The following PRKG1 variants were observed in gnomAD, a reference collection of about 807,000 sequenced individuals.
PRKG1 encodes protein kinase cGMP-dependent 1.
A neutral mutation model predicts 88.1 loss-of-function variants in PRKG1; 35 were observed. The observed-to-expected ratio is 0.40, with a 90% confidence interval of 0.30 to 0.53. The LOEUF is 0.53. Ranked by LOEUF, PRKG1 falls within the 20% of genes least tolerant of loss-of-function variation. The pLI is 0.59. For missense variants in PRKG1, 540 were observed against 839.8 expected (o/e 0.64, Z 4.41); for synonymous variants, 303 against 292.5 (o/e 1.04, Z -0.37).
chr10:51,794,559 T>G (rs1020174352), intron 3 of PRKG1, among the ~76,000 whole-genome samples: 1 of 152,118 alleles, frequency 6.6e-6, no homozygotes, highest in Non-Finnish European at 1.5e-5. Context: ...TATTAATATA[T>G]TGTATATATA....
At chr10:51,893,307 T>C (rs1413535624) in intron 4 of PRKG1, among the ~76,000 whole-genome samples, 1 of 152,084 alleles carries the variant, frequency 6.6e-6, no homozygotes, top group Non-Finnish European at 1.5e-5. Context: ...GAAATATTCC[T>C]GTGGTTCCTG....
intron 1 of PRKG1, among the ~76,000 whole-genome samples, chr10:51,134,936 A>G (rs1335993074): frequency 6.6e-6 from 1 of 152,186 alleles, no homozygotes; most frequent in East Asian, 1.9e-4. Flanking sequence ...AAATAATAAA[A>G]TGGATAAATA....
At chr10:52,291,899 T>A (rs557623082) in intron 17 of PRKG1, among the ~76,000 whole-genome samples, 2 of 152,248 alleles carry the variant, frequency 1.3e-5, no homozygotes, top group East Asian at 3.9e-4. Flanking sequence ...TTTCTCCACA[T>A]CCTCTCCAGC....
intron 7 of PRKG1, among the ~76,000 whole-genome samples, chr10:52,067,481 A>G (rs1039211076): frequency 6.6e-6 from 1 of 152,182 alleles, no homozygotes; most frequent in Admixed American, 6.5e-5. Flanking sequence ...CCGAAATGTA[A>G]ACTCAACACC....
intron 2 of PRKG1, among the ~76,000 whole-genome samples, chr10:51,315,355 G>A (rs1246917740): frequency 6.6e-6 from 1 of 152,150 alleles, no homozygotes; most frequent in East Asian, 1.9e-4. Flanking sequence ...GTGCAAATAA[G>A]CAAATATAAC....
intron 2 of PRKG1, among the ~76,000 whole-genome samples, chr10:51,303,182 C>T (rs1840938665): frequency 6.6e-6 from 1 of 152,150 alleles, no homozygotes; most frequent in South Asian, 2.1e-4. Context: ...AAATACCATT[C>T]TCTGTCCAAC....
intron 8 of PRKG1, among the ~76,000 whole-genome samples, chr10:52,157,229 A>ATC (rs1313226703): frequency 6.8e-6 from 1 of 148,134 alleles, no homozygotes; most frequent in Non-Finnish European, 1.5e-5. Flanking sequence ...CACCAAGTAT[A>ATC]TATATATATA....
chr10:52,008,756 G>A (rs1303781280), intron 5 of PRKG1, among the ~76,000 whole-genome samples: 1 of 151,502 alleles, frequency 6.6e-6, no homozygotes, highest in Admixed American at 6.6e-5. Context: ...AGTTTCAACA[G>A]GAATGTAATA....
intron 2 of PRKG1, among the ~76,000 whole-genome samples, chr10:51,341,580 A>G (rs1842004836): frequency 6.6e-6 from 1 of 152,170 alleles, no homozygotes; most frequent in South Asian, 2.1e-4. Flanking sequence ...GTGTGTCTCC[A>G]ACTCGTTCCA....
At chr10:51,988,826 AT>A (rs1844229493) in intron 5 of PRKG1, among the ~76,000 whole-genome samples, 1 of 152,004 alleles carries the variant, frequency 6.6e-6, no homozygotes. Flanking sequence ...CTTTAAAATA[AT>A]ATAGTCTTTG....
At chr10:51,973,611 G>A (rs1412689338) in intron 5 of PRKG1, among the ~76,000 whole-genome samples, 1 of 152,154 alleles carries the variant, frequency 6.6e-6, no homozygotes, top group Non-Finnish European at 1.5e-5. Flanking sequence ...TGCTCTCATG[G>A]ATGCAGAAAT....
At chr10:51,878,623 C>T (rs574212706) in intron 4 of PRKG1, among the ~76,000 whole-genome samples, 1 of 152,250 alleles carries the variant, frequency 6.6e-6, no homozygotes, top group East Asian at 1.9e-4. Flanking sequence ...TGCTTGAGGT[C>T]CTCCTTTTCT....
chr10:51,528,320 A>C (rs1292424931), intron 3 of PRKG1, among the ~76,000 whole-genome samples: 4 of 152,220 alleles, frequency 2.6e-5, no homozygotes, highest in African/African-American at 9.6e-5. Context: ...TTAGAAAGTC[A>C]GTTGATTGTA....
In PRKG1 at chr10:51,607,125, G is replaced by A. The variant is rs372723238; in HGVS notation, c.592+139289G>A. Among the ~76,000 whole-genome samples the A allele has an allele frequency of 5.9e-5, 9 of 152,322 alleles. No individual in the cohort carries two copies. In the South Asian group the frequency reaches 8.3e-4, roughly 14 times the overall value. On this transcript the variant is annotated intron_variant, in intron 3 of 17. Transcript: ENST00000373980. ...ACCGGCATCCTATGTGGTAAAAATGGTCTTTAAATGTGCATATCGAATTAG... is the reference window on the plus strand; with the variant it reads ...ACCGGCATCCTATGTGGTAAAAATGATCTTTAAATGTGCATATCGAATTAG...
chr10:51,586,703 A>G (rs1838182681), intron 3 of PRKG1, among the ~76,000 whole-genome samples: 1 of 152,170 alleles, frequency 6.6e-6, no homozygotes, highest in Non-Finnish European at 1.5e-5. Context: ...TTTTTTACTG[A>G]TGACAGAGAG....
intron 3 of PRKG1, among the ~76,000 whole-genome samples, chr10:51,733,841 AT>A (rs1837186846): frequency 6.6e-6 from 1 of 152,008 alleles, no homozygotes; most frequent in African/African-American, 2.4e-5. Flanking sequence ...GTTATATATT[AT>A]TTTTCTTCTC....
rs368571406 is a variant in PRKG1, at chr10:51,907,508, G to A, written c.700G>A (p.Val234Ile). The A allele has an allele frequency of 9.9e-6, 16 of 1,612,280 alleles. No homozygotes were observed. Among genetic ancestry groups the A allele is most frequent in the African/African-American group, 4.0e-5 (3 of 74,772 alleles). ...HTEYMEFLKSVPTFQSLPEEI... is the reference protein window; with the variant it reads ...HTEYMEFLKSIPTFQSLPEEI... ...GCACTATTCTGTTTTGTTTTTCAGC[G>A]TTCCAACATTCCAGAGCCTTCCTGA... The change falls in exon 5 of 18, where the codon GTT becomes ATT. Residue 234 changes from valine to isoleucine, a missense_variant and splice_region_variant. Coordinates refer to ENST00000373980, the MANE Select transcript of PRKG1 (RefSeq NM_006258.4).
chr10:51,855,338 A>G (rs1840653962), intron 4 of PRKG1, among the ~76,000 whole-genome samples: 1 of 152,088 alleles, frequency 6.6e-6, no homozygotes, highest in African/African-American at 2.4e-5. Context: ...GTAACTGGAG[A>G]TCTTCTTGCT....
intron 3 of PRKG1, among the ~76,000 whole-genome samples, chr10:51,553,987 TGC>T (rs1383867128): frequency 6.3e-5 from 9 of 143,646 alleles, no homozygotes; most frequent in African/African-American, 2.1e-4. Flanking sequence ...ATATTATATA[TGC>T]GTATGTGATA....
Sources: allele counts gnomAD v4.1 joint callset (sites outside exome capture counted in the v4.1 genomes callset), GRCh38; gene constraint gnomAD v4.1.1; transcripts MANE v1.5; gene names NCBI Gene and HGNC (gene_info 2026-07-23, HGNC 2026-07-21).